Variants in RUFY4 observed in about 807,000 individuals in gnomAD.
RUFY4 encodes RUN and FYVE domain-containing protein 4.
In RUFY4, 73 loss-of-function variants were observed where a neutral mutation model predicts 69.0. The ratio of observed to expected loss-of-function variants is 1.06; its 90% confidence interval spans 0.88 to 1.29. The LOEUF (loss-of-function observed/expected upper bound fraction) is 1.29, where lower values mean the gene tolerates loss of function less well. RUFY4 is among the 50% of genes most tolerant of loss of function. The pLI, the probability that RUFY4 is intolerant of heterozygous loss-of-function variation, is 0.00. For missense variants in RUFY4, 770 were observed against 705.6 expected (o/e 1.09, Z -1.03); for synonymous variants, 287 against 271.8 (o/e 1.06, Z -0.55).
intron 4 of RUFY4, 142 bp from the exon 7 acceptor site, chr2:218,073,101 C>T: frequency 8.5e-7 from 1 of 1,177,400 alleles, no homozygotes; most frequent in Non-Finnish European, 1.2e-6. Context: ...CCTGAAGGGC[C>T]ACAACTCTGC....
At chr2:218,039,851 G>A (rs1291872123) in intron 2 of RUFY4, among the ~76,000 whole-genome samples, 1 of 152,196 alleles carries the variant, frequency 6.6e-6, no homozygotes, top group Admixed American at 6.5e-5. Context: ...CAGCAAAGGA[G>A]CGTTCATTTT....
At chr2:218,085,372 A>C (rs1689869602) in intron 9 of RUFY4, among the ~76,000 whole-genome samples, 1 of 152,194 alleles carries the variant, frequency 6.6e-6, no homozygotes, top group African/African-American at 2.4e-5. Flanking sequence ...AAAAAGGAAA[A>C]AAAAATAGCC....
At chr2:218,061,257 A>C (rs1201917471) in intron 3 of RUFY4, 1 of 354,376 alleles carries the variant, frequency 2.8e-6, no homozygotes, top group Non-Finnish European at 5.6e-6. Context: ...CAGGGCATAG[A>C]TGATGATCAA....
chr2:218,056,425 C>T (rs1303891714), intron 2 of RUFY4, among the ~76,000 whole-genome samples: 1 of 152,074 alleles, frequency 6.6e-6, no homozygotes, highest in African/African-American at 2.4e-5. Flanking sequence ...TTTTCCCCCA[C>T]TTCTGGTCTC....
chr2:218,085,543 T>A (rs1281998595), intron 9 of RUFY4, among the ~76,000 whole-genome samples: 1 of 152,096 alleles, frequency 6.6e-6, no homozygotes, highest in Non-Finnish European at 1.5e-5. Context: ...TTTCCAGAAG[T>A]TGGAAAATGG....
intron 6 of RUFY4, among the ~76,000 whole-genome samples, chr2:218,074,706 G>A (rs745444404): frequency 3.3e-5 from 5 of 152,080 alleles, no homozygotes; most frequent in Non-Finnish European, 7.4e-5. Flanking sequence ...CCCTAAAACC[G>A]GGTATTATCA....
intron 3 of RUFY4, chr2:218,060,332 A>G (rs567759200): frequency 1.4e-5 from 22 of 1,522,832 alleles, no homozygotes; most frequent in Non-Finnish European, 1.8e-5. Flanking sequence ...CACTTAGGCA[A>G]GAGGTCTTAG....
intron 8 of RUFY4, among the ~76,000 whole-genome samples, chr2:218,081,041 C>T (rs1684759956): frequency 6.6e-6 from 1 of 152,174 alleles, no homozygotes; most frequent in Admixed American, 6.5e-5. Context: ...CAAGCTCAGG[C>T]CTGGCATATA....
At chr2:218,039,441 C>T (rs1456868049) in intron 2 of RUFY4, among the ~76,000 whole-genome samples, 2 of 152,100 alleles carry the variant, frequency 1.3e-5, no homozygotes, top group Non-Finnish European at 2.9e-5. Context: ...TTTCCACAAC[C>T]GTTGATTGAG....
intron 8 of RUFY4, among the ~76,000 whole-genome samples, chr2:218,080,391 C>T (rs1423640272): frequency 6.6e-6 from 1 of 152,196 alleles, no homozygotes; most frequent in Admixed American, 6.5e-5. Context: ...CAGGCAGGCC[C>T]ATGGGGCTGT....
At chr2:218,066,417 C>G (rs1233778813), upstream of RUFY4, among the ~76,000 whole-genome samples, 2 of 152,206 alleles carry the variant, frequency 1.3e-5, no homozygotes, top group East Asian at 3.9e-4. Flanking sequence ...TCAGGTGATC[C>G]TCCTGCCTCA....
At position 218,072,830 on chromosome 2, in the gene RUFY4, C is replaced by G. The variant is rs139730449; in HGVS notation, c.331C>G (p.Arg111Gly). 5 of 1,536,178 alleles carry G rather than the reference C, an allele frequency of 3.3e-6. No homozygotes were observed. The Admixed American group carries it at 5.9e-5, about 18-fold the overall frequency. Residue 111 changes from arginine to glycine, a missense_variant, in exon 4 of 11, where the codon CGT becomes GGT. Transcript: ENST00000344321. ...TGCCTTCATCCGCTTCTGCCTGGCC[C>G]GTGGGCAGCTGGCTGAGGCCCTGCA...
At chr2:218,072,593 C>T in intron 3 of RUFY4, 94 bp downstream of exon 5, 2 of 1,472,954 alleles carry the variant, frequency 1.4e-6, no homozygotes, top group Non-Finnish European at 1.8e-6. Flanking sequence ...CCATAGACCC[C>T]TCACCTGCTC....
chr2:218,081,481 T>C, intron 8 of RUFY4, among the ~76,000 whole-genome samples: 1 of 152,204 alleles, frequency 6.6e-6, no homozygotes, highest in East Asian at 1.9e-4. Context: ...TTAGTTATTT[T>C]ATGAGTCTAT....
intron 9 of RUFY4, among the ~76,000 whole-genome samples, chr2:218,087,182 A>G (rs1329724726): frequency 6.6e-6 from 1 of 152,174 alleles, no homozygotes; most frequent in Non-Finnish European, 1.5e-5. Flanking sequence ...TTATGTATAG[A>G]ATAGAATCCA....
chr2:218,055,279 C>T (rs1447161720), intron 2 of RUFY4, among the ~76,000 whole-genome samples: 1 of 151,978 alleles, frequency 6.6e-6, no homozygotes, highest in East Asian at 1.9e-4. Context: ...CCTGTAGTCC[C>T]AGCTACACGG....
intron 3 of RUFY4, among the ~76,000 whole-genome samples, chr2:218,058,954 G>A (rs77751845): frequency 0.01 from 1,552 of 152,312 alleles, 19 homozygotes; most frequent in African/African-American, 0.035. Flanking sequence ...GTGGTCTGCA[G>A]CAGGAAGCTT....
chr2:218,048,908 A>G (rs1688885589), intron 2 of RUFY4, among the ~76,000 whole-genome samples: 1 of 152,238 alleles, frequency 6.6e-6, no homozygotes, highest in South Asian at 2.1e-4. Flanking sequence ...TGTTATCTCT[A>G]GTCCTCAGTT....
At chr2:218,040,799 T>C (rs995475007) in intron 2 of RUFY4, among the ~76,000 whole-genome samples, 3 of 152,134 alleles carry the variant, frequency 2.0e-5, no homozygotes, top group Middle Eastern at 3.2e-3. Context: ...TCCTCAGGTC[T>C]GGCAGCAAAT....
Sources: gnomAD v4.1 joint callset for allele counts (sites outside exome capture counted in the v4.1 genomes callset) on GRCh38, gnomAD v4.1.1 for gene constraint, MANE v1.5 for transcripts, NCBI Gene and HGNC (gene_info 2026-07-23, HGNC 2026-07-21) for gene names.